Variants in NUP93 observed in about 807,000 individuals in gnomAD.
NUP93 encodes nucleoporin 93, also known as nuclear pore complex protein Nup93.
NUP93 carries 55 observed loss-of-function variants against 107.8 expected under a neutral mutation model. That is an observed-to-expected ratio of 0.51 (90% CI 0.41 to 0.64). NUP93 has a LOEUF of 0.64. Ranked by LOEUF, NUP93 falls within the 30% of genes least tolerant of loss-of-function variation. The pLI is 0.00. For synonymous variants in NUP93, 390 were observed against 397.5 expected (o/e 0.98, Z 0.22); for missense variants, 937 against 1,044.7 (o/e 0.90, Z 1.42).
chr16:56,807,955 G>C (rs1324945224), intron 5 of NUP93, among the ~76,000 whole-genome samples: 1 of 150,452 alleles, frequency 6.6e-6, no homozygotes, highest in African/African-American at 2.4e-5. Flanking sequence ...CAGGGGAGTC[G>C]GAGGTCGCAG....
rs147217895 is a variant in NUP93 at position 56,753,460 on chromosome 16, A to G, written c.179+5034A>G. ...GTCAGTAAAACATTTTCTGTGGGGAACTATAGCCTTGCTACTTTGAGTGTA... is the reference window on the plus strand; with the variant it reads ...GTCAGTAAAACATTTTCTGTGGGGAGCTATAGCCTTGCTACTTTGAGTGTA... On this transcript the variant is annotated intron_variant, in intron 2 of 21. Transcript: ENST00000308159. Among the ~76,000 whole-genome samples, 329 of 152,304 alleles carry G rather than the reference A, an allele frequency of 2.2e-3. 2 individuals are homozygous for G. The highest frequency in any genetic ancestry group is 7.5e-3 in the African/African-American group (313 of 41,578).
chr16:56,788,562 G>A (rs1342404766), intron 3 of NUP93, among the ~76,000 whole-genome samples: 1 of 152,226 alleles, frequency 6.6e-6, no homozygotes, highest in Non-Finnish European at 1.5e-5. Flanking sequence ...GAGTCTCAGA[G>A]CCCTTCAGTA....
rs576241425 is a variant in NUP93, at chr16:56,739,247, G to A, written c.-14-8987G>A. On this transcript the variant is annotated intron_variant, in intron 1 of 21. Coordinates refer to ENST00000308159, the MANE Select transcript of NUP93 (RefSeq NM_014669.5). ...GCTGTTGGGCACACCTCCCAGACGG[G>A]GTGGTGGCCGGGCAGAGGGGCTCCT... Among the ~76,000 whole-genome samples the A allele has an allele frequency of 9.5e-5, 11 of 115,344 alleles. No homozygotes were observed. In the South Asian group the frequency reaches 2.1e-3, roughly 22 times the overall value. 75.7% of individuals were successfully genotyped at this position (115,344 alleles called of 152,430 possible).
intron 4 of NUP93, among the ~76,000 whole-genome samples, chr16:56,800,669 A>AT (rs1450331144): frequency 2.6e-5 from 4 of 152,242 alleles, no homozygotes; most frequent in African/African-American, 9.6e-5. Flanking sequence ...TTTTGTGACT[A>AT]TTTCATGTTT....
chr16:56,784,831 C>T (rs1372276257), intron 3 of NUP93, among the ~76,000 whole-genome samples: 1 of 152,162 alleles, frequency 6.6e-6, no homozygotes, highest in Non-Finnish European at 1.5e-5. Context: ...GTTGCACTAG[C>T]TCCTGTTTAT....
intron 3 of NUP93, among the ~76,000 whole-genome samples, chr16:56,765,858 G>A (rs1178364957): frequency 6.6e-6 from 1 of 152,196 alleles, no homozygotes; most frequent in African/African-American, 2.4e-5. Context: ...GCTGATCACA[G>A]TGGTAAGAAA....
At chr16:56,811,048 T>C (rs542376327) in intron 5 of NUP93, among the ~76,000 whole-genome samples, 25 of 152,342 alleles carry the variant, frequency 1.6e-4, no homozygotes, top group African/African-American at 6.0e-4. Flanking sequence ...AGTTTCCAGT[T>C]CTTTTATAAA....
intron 7 of NUP93, 40 bp downstream of exon 7, chr16:56,821,633 G>A: frequency 1.5e-6 from 2 of 1,372,676 alleles, no homozygotes; most frequent in East Asian, 2.3e-5. Context: ...CCGGGGTCCA[G>A]TGTTCCGATG....
At chr16:56,762,155 C>G (rs572997211) in intron 3 of NUP93, among the ~76,000 whole-genome samples, 20 of 152,270 alleles carry the variant, frequency 1.3e-4, no homozygotes, top group African/African-American at 4.8e-4. Context: ...GATCCACTTG[C>G]TCACTTCTGT....
chr16:56,745,768 G>A (rs1017718685), intron 1 of NUP93, among the ~76,000 whole-genome samples: 7 of 152,212 alleles, frequency 4.6e-5, no homozygotes, highest in African/African-American at 9.6e-5. Context: ...GGGATATTAC[G>A]TTTAGGATGT....
Position 56,837,665 on chromosome 16 carries a change from A to C in NUP93, c.1957A>C (p.Ile653Leu). Residue 653 changes from isoleucine (I) to leucine (L), a missense_variant, in exon 18 of 22, where the codon ATC becomes CTC. Physicochemically the swap from Ile to Leu is conservative, Grantham distance 5. Coordinates refer to ENST00000308159, the MANE Select transcript of NUP93 (RefSeq NM_014669.5). ...NKLLSPVVPQ[I>L]SAPQSNKERL... ...ACTGCTGAGCCCTGTCGTCCCCCAG[A>C]TCAGTGCCCCGCAATCCAACAAGGA... The C allele has an allele frequency of 6.2e-7, 1 of 1,614,170 alleles. No homozygotes were observed. Among genetic ancestry groups the C allele is most frequent in the Middle Eastern group, 1.7e-4 (1 of 6,060 alleles).
intron 1 of NUP93, among the ~76,000 whole-genome samples, chr16:56,733,844 T>C (rs1379452089): frequency 6.6e-6 from 1 of 152,246 alleles, no homozygotes. Flanking sequence ...CTTTATACTT[T>C]TTTATAGCTT....
chr16:56,742,194 A>G (rs1204848593), intron 1 of NUP93, among the ~76,000 whole-genome samples: 1 of 152,228 alleles, frequency 6.6e-6, no homozygotes, highest in Non-Finnish European at 1.5e-5. Flanking sequence ...ATGCTCTCCA[A>G]ATGAACAGTT....
intron 8 of NUP93, among the ~76,000 whole-genome samples, chr16:56,824,128 T>C (rs1436825105): frequency 2.0e-5 from 3 of 152,206 alleles, no homozygotes; most frequent in Non-Finnish European, 4.4e-5. Context: ...TCTTAATACG[T>C]AAGGCCGTAG....
At chr16:56,838,885 A>T in intron 18 of NUP93, 67 bp from the exon 19 acceptor site, 1 of 1,069,012 alleles carries the variant, frequency 9.4e-7, no homozygotes, top group Non-Finnish European at 1.4e-6. Context: ...ATGCTATTCC[A>T]CTGTTACGGA....
intron 2 of NUP93, among the ~76,000 whole-genome samples, chr16:56,755,152 G>T (rs1349781823): frequency 6.6e-6 from 1 of 152,124 alleles, no homozygotes; most frequent in Non-Finnish European, 1.5e-5. Flanking sequence ...AAGAGAAATG[G>T]AAATGTATAC....
chr16:56,744,313 T>G (rs914665114), intron 1 of NUP93, among the ~76,000 whole-genome samples: 3 of 152,212 alleles, frequency 2.0e-5, no homozygotes, highest in Admixed American at 1.3e-4. Context: ...CAAAGTTGAT[T>G]TAGTGGTTTA....
chr16:56,810,077 C>T (rs1259869395), intron 5 of NUP93, among the ~76,000 whole-genome samples: 2 of 152,110 alleles, frequency 1.3e-5, no homozygotes, highest in Admixed American at 6.5e-5. Context: ...TTGCTCTTCT[C>T]GTAAAAATAG....
chr16:56,827,069 A>AAAAAAAAAAAAAT (rs1430722800), intron 8 of NUP93, among the ~76,000 whole-genome samples: 28 of 125,680 alleles, frequency 2.2e-4, no homozygotes, highest in Admixed American at 5.7e-4. Context: ...AAAAAAAAAA[A>AAAAAAAAAAAAAT]TTTTGTTGAG....
Sources: gnomAD v4.1 joint callset for allele counts (sites outside exome capture counted in the v4.1 genomes callset) on GRCh38, gnomAD v4.1.1 for gene constraint, MANE v1.5 for transcripts, NCBI Gene and HGNC (gene_info 2026-07-23, HGNC 2026-07-21) for gene names.